The following PPP6R3 variants were observed in gnomAD, a reference collection of about 807,000 sequenced individuals.
The protein encoded by PPP6R3 is serine/threonine-protein phosphatase 6 regulatory subunit 3.
In PPP6R3, 38 loss-of-function variants were observed where a neutral mutation model predicts 110.7. That is an observed-to-expected ratio of 0.34 (90% CI 0.26 to 0.45). The LOEUF (loss-of-function observed/expected upper bound fraction) is 0.45, where lower values mean the gene tolerates loss of function less well. Among genes scored for constraint, PPP6R3 ranks in the 20% least tolerant of loss-of-function variants. The probability of loss-of-function intolerance (pLI) is 1.00; values close to 1 mark genes in which losing one functional copy is unlikely to be tolerated. For synonymous variants in PPP6R3, 369 were observed against 373.5 expected, an observed-to-expected ratio of 0.99 and a Z score of 0.14; for missense variants, 870 against 1,062.4, an observed-to-expected ratio of 0.82 and a Z score of 2.52.
At chr11:68,564,484 A>G (rs769969880) in intron 9 of PPP6R3, 52 bp downstream of exon 9, 2 of 1,595,436 alleles carry the variant, frequency 1.3e-6, no homozygotes. Context: ...TGGTTGAAAC[A>G]GTCATTCGAA....
chr11:68,505,290 A>C (rs1304623595), intron 1 of PPP6R3: 1 of 152,146 alleles, frequency 6.6e-6, no homozygotes, highest in Non-Finnish European at 1.5e-5. Flanking sequence ...CTTTAATTAC[A>C]TTACTACTGT....
chr11:68,505,551 G>C (rs1382670668), intron 1 of PPP6R3, among the ~76,000 whole-genome samples: 1 of 151,846 alleles, frequency 6.6e-6, no homozygotes, highest in Non-Finnish European at 1.5e-5. Context: ...AGTCAGAGCA[G>C]TGCTGTCTAG....
chr11:68,498,607 G>C (rs184620973), intron 1 of PPP6R3, among the ~76,000 whole-genome samples: 1 of 152,270 alleles, frequency 6.6e-6, no homozygotes, highest in Non-Finnish European at 1.5e-5. Context: ...TCTTACAGTA[G>C]GTACTCTTGT....
intron 15 of PPP6R3, chr11:68,587,047 A>G (rs2099580768): frequency 6.6e-6 from 1 of 152,258 alleles, no homozygotes; most frequent in Non-Finnish European, 1.5e-5. Flanking sequence ...AGGAGGTGGC[A>G]CTAGTTTGTC....
chr11:68,584,965 A>G (rs2099573641), intron 15 of PPP6R3, among the ~76,000 whole-genome samples: 1 of 152,248 alleles, frequency 6.6e-6, no homozygotes. Context: ...TTAGAGTTTC[A>G]TCATAGCCTC....
intron 1 of PPP6R3, among the ~76,000 whole-genome samples, chr11:68,499,709 C>G (rs1015834387): frequency 1.3e-5 from 2 of 151,954 alleles, no homozygotes; most frequent in East Asian, 3.9e-4. Flanking sequence ...GCTAGCTGGG[C>G]CCACAGTTGC....
chr11:68,558,806 A>T, intron 8 of PPP6R3, 127 bp downstream of exon 8: 2 of 677,292 alleles, frequency 3.0e-6, no homozygotes, highest in East Asian at 5.9e-5. Flanking sequence ...TTCTTCTGCT[A>T]TATAAACCAT....
chr11:68,519,707 T>G (rs2099154063), intron 2 of PPP6R3, 56 bp downstream of exon 2: 1 of 397,920 alleles, frequency 2.5e-6, no homozygotes. Context: ...CAAGGAAAGC[T>G]GTGGTTCTAT....
chr11:68,614,584 T>C lies in PPP6R3; in HGVS notation c.*1467T>C. ...TACATTGCATATGGAAATAAAAGAATCAAACGTCTAATGCCTTATTATTTC... is the reference window on the plus strand; with the variant it reads ...TACATTGCATATGGAAATAAAAGAACCAAACGTCTAATGCCTTATTATTTC... On this transcript the variant is annotated 3_prime_UTR_variant, in exon 24 of 24. Transcript: ENST00000393800. 4.0e-6 allele frequency: 6 copies of C among 1,506,442 alleles called. No homozygotes were observed. Among genetic ancestry groups the C allele is most frequent in the Non-Finnish European group, 5.3e-6 (6 of 1,136,854 alleles). 93.3% of individuals were successfully genotyped at this position (1,506,442 alleles called of 1,614,324 possible).
intron 11 of PPP6R3, among the ~76,000 whole-genome samples, chr11:68,570,448 T>C (rs972961001): frequency 2.6e-5 from 4 of 152,196 alleles, no homozygotes; most frequent in Non-Finnish European, 1.5e-5. Flanking sequence ...ACCTAAAATG[T>C]AGAAAAGGCT....
chr11:68,555,474 A>T (rs2099395667), intron 7 of PPP6R3, among the ~76,000 whole-genome samples: 1 of 152,232 alleles, frequency 6.6e-6, no homozygotes, highest in Admixed American at 6.5e-5. Context: ...CACTTAGAAC[A>T]TGCCGGTCAG....
At chr11:68,509,227 A>G (rs1317440650) in intron 1 of PPP6R3, among the ~76,000 whole-genome samples, 1 of 152,190 alleles carries the variant, frequency 6.6e-6, no homozygotes, top group African/African-American at 2.4e-5. Context: ...CATCATCCTT[A>G]TGGATTCCAC....
intron 9 of PPP6R3, among the ~76,000 whole-genome samples, chr11:68,566,328 T>G (rs1056545779): frequency 2.0e-5 from 3 of 151,456 alleles, no homozygotes; most frequent in African/African-American, 7.3e-5. Context: ...CTCCTTCTCT[T>G]TCCTCCTCCT....
chr11:68,481,919 G>C (rs907386823), intron 1 of PPP6R3, among the ~76,000 whole-genome samples: 6 of 152,164 alleles, frequency 3.9e-5, no homozygotes, highest in African/African-American at 1.4e-4. Context: ...TGAAGCAGCT[G>C]GGAAGCAGGG....
chr11:68,462,835 A>G (rs1396306498), intron 1 of PPP6R3, among the ~76,000 whole-genome samples: 1 of 151,958 alleles, frequency 6.6e-6, no homozygotes, highest in African/African-American at 2.4e-5. Context: ...GCTGTATTGG[A>G]GATGTGTGTT....
chr11:68,612,573 C>CTT lies in PPP6R3; in HGVS notation c.2571-481_2571-480dup, dbSNP rs577479967. Among the ~76,000 whole-genome samples, 380 of 146,160 alleles carry CTT rather than the reference C, an allele frequency of 2.6e-3. 4 individuals are homozygous for CTT. The highest frequency in any genetic ancestry group is 8.9e-3 in the African/African-American group (356 of 40,064). The stretch of plus-strand genomic sequence containing the variant: ...TGGGACATGTTCTTCAAGTGGACAC[C>CTT]TTTTTTTTTTTTTCCAGTAGTTTAT... On this transcript the variant is annotated intron_variant, in intron 23 of 23. Coordinates refer to ENST00000393800, the MANE Select transcript of PPP6R3 (RefSeq NM_001164161.2).
chr11:68,489,914 G>A (rs998785902), intron 1 of PPP6R3, among the ~76,000 whole-genome samples: 7 of 151,980 alleles, frequency 4.6e-5, no homozygotes, highest in African/African-American at 1.7e-4. Context: ...CTGTCTCATT[G>A]TTGCCATTCA....
intron 1 of PPP6R3, among the ~76,000 whole-genome samples, chr11:68,471,282 C>CAAAA (rs34619002): frequency 1.7e-5 from 1 of 57,282 alleles, no homozygotes; most frequent in African/African-American, 5.4e-5. Context: ...GATTCTGTCT[C>CAAAA]AAAAAAAAAA....
intron 4 of PPP6R3, among the ~76,000 whole-genome samples, chr11:68,545,795 G>A (rs1371622587): frequency 2.0e-5 from 3 of 152,230 alleles, no homozygotes; most frequent in Admixed American, 6.5e-5. Flanking sequence ...AGTGGATATT[G>A]TTGTGAAAAA....
Sources: allele counts gnomAD v4.1 joint callset (sites outside exome capture counted in the v4.1 genomes callset), GRCh38; gene constraint gnomAD v4.1.1; transcripts MANE v1.5; gene names NCBI Gene and HGNC (gene_info 2026-07-23, HGNC 2026-07-21).